WDR59: variants seen among roughly 807,000 people sequenced by gnomAD.
WDR59 encodes GATOR2 complex protein WDR59.
In WDR59, 100 loss-of-function variants were observed where a neutral mutation model predicts 131.2. The ratio of observed to expected loss-of-function variants is 0.76; its 90% CI spans 0.65 to 0.90. WDR59 has a LOEUF of 0.90. Among genes scored for constraint, WDR59 ranks in the 40% least tolerant of loss-of-function variants. The pLI is 0.00. For synonymous variants in WDR59, 601 were observed against 466.2 expected, an observed-to-expected ratio of 1.29 and a Z score of -3.72; for missense variants, 1,203 against 1,262.2, an observed-to-expected ratio of 0.95 and a Z score of 0.71.
At chr16:74,881,376 T>TA (rs35826727) in intron 25 of WDR59, among the ~76,000 whole-genome samples, 1 of 151,978 alleles carries the variant, frequency 6.6e-6, no homozygotes, top group Non-Finnish European at 1.5e-5. Flanking sequence ...TTTTTTTTTT[T>TA]AGAGACAGTT....
chr16:74,982,590 T>C (rs2034469932), intron 1 of WDR59, among the ~76,000 whole-genome samples: 3 of 152,196 alleles, frequency 2.0e-5, no homozygotes, highest in African/African-American at 7.2e-5. Context: ...AGCTTCCAAA[T>C]TAGCAGGCTT....
intron 6 of WDR59, among the ~76,000 whole-genome samples, chr16:74,945,306 C>A (rs1287709212): frequency 6.6e-6 from 1 of 150,452 alleles, no homozygotes; most frequent in East Asian, 2.0e-4. Flanking sequence ...GAAACCCTGT[C>A]TCTACTAAAA....
At chr16:74,916,280 T>C (rs895020234) in intron 11 of WDR59, 21 bp from the exon 12 acceptor site, 5 of 1,613,264 alleles carry the variant, frequency 3.1e-6, no homozygotes, top group Non-Finnish European at 4.2e-6. Context: ...GGGTAGAAGA[T>C]GTAGTTCTAG....
At chr16:74,960,753 T>TAAAAAAA (rs59914217) in intron 2 of WDR59, among the ~76,000 whole-genome samples, 1 of 118,714 alleles carries the variant, frequency 8.4e-6, no homozygotes, top group African/African-American at 3.1e-5. Flanking sequence ...GTCTCAAAAA[T>TAAAAAAA]AAAAAAAAAA....
chr16:74,886,357 T>A lies in WDR59; in HGVS notation c.2459A>T (p.Glu820Val), dbSNP rs779163357. The A allele has an allele frequency of 1.2e-6, 2 of 1,613,816 alleles. No homozygotes were observed. Among genetic ancestry groups the A allele is most frequent in the Admixed American group, 3.3e-5 (2 of 60,000 alleles). The change falls in exon 24 of 26, where the codon GAA (glutamate) becomes GTA (valine). Residue 820 changes from glutamate (E) to valine (V), a missense_variant. By Grantham distance (121) the Glu-to-Val change is moderately radical. Transcript: ENST00000262144. ...AAAGCGGAGCTCTTCTGGTGAGGATTCTCCCCAAGGGGAGGACAAGTGCTC... is the reference window on the plus strand; with the variant it reads ...AAAGCGGAGCTCTTCTGGTGAGGATACTCCCCAAGGGGAGGACAAGTGCTC... ...EAEHLSSPWGESSPEELRFGS... is the reference protein window; with the variant it reads ...EAEHLSSPWGVSSPEELRFGS...
chr16:74,941,684 T>A (rs965685988), intron 7 of WDR59, among the ~76,000 whole-genome samples: 1 of 130,846 alleles, frequency 7.6e-6, no homozygotes, highest in African/African-American at 3.3e-5. Flanking sequence ...AGAATGAGAC[T>A]CTGTCTCAAG....
intron 19 of WDR59, 86 bp from the exon 20 acceptor site, chr16:74,892,651 C>A: frequency 1.8e-6 from 2 of 1,112,528 alleles, no homozygotes; most frequent in Middle Eastern, 2.1e-4. Flanking sequence ...CAGATGAGAA[C>A]CTGACTCTTT....
At position 74,912,220 on chromosome 16, in the gene WDR59, G is replaced by A; in HGVS notation, c.1367C>T (p.Thr456Ile). The change falls in exon 14 of 26, where the codon ACC becomes ATC. Residue 456 changes from threonine (T) to isoleucine (I), a missense_variant. Transcript: ENST00000262144. ...QFINPTTITS[T>I]MKAKLLKILK... ...CACCTTCAGCAGCTTAGCTTTCATGGTGGATGTGATGGTTGTGGGGTTAAT... is the reference window on the plus strand; with the variant it reads ...CACCTTCAGCAGCTTAGCTTTCATGATGGATGTGATGGTTGTGGGGTTAAT... 1 of 1,614,174 alleles carries A rather than the reference G, an allele frequency of 6.2e-7. No individual in the cohort carries two copies. Among genetic ancestry groups the A allele is most frequent in the Non-Finnish European group, 8.5e-7 (1 of 1,180,036 alleles).
At chr16:74,942,685 C>T in intron 7 of WDR59, 53 bp downstream of exon 7, 1 of 1,565,578 alleles carries the variant, frequency 6.4e-7, no homozygotes, top group South Asian at 1.1e-5. Flanking sequence ...ATCATCTTCA[C>T]ACCCTCTGGG....
chr16:74,924,138 C>G, intron 8 of WDR59, 135 bp from the exon 9 acceptor site: 1 of 790,460 alleles, frequency 1.3e-6, no homozygotes, highest in Non-Finnish European at 2.0e-6. Flanking sequence ...AGTTCAGCTC[C>G]TATAACCACG....
At chr16:74,901,859 A>G (rs1965569561) in intron 18 of WDR59, among the ~76,000 whole-genome samples, 1 of 138,622 alleles carries the variant, frequency 7.2e-6, no homozygotes, top group Non-Finnish European at 1.7e-5. Context: ...TATCACGCTT[A>G]TGTAATTCCC....
chr16:74,919,648 C>T (rs747578936), intron 10 of WDR59, among the ~76,000 whole-genome samples: 2 of 151,968 alleles, frequency 1.3e-5, no homozygotes, highest in Non-Finnish European at 2.9e-5. Context: ...TGGCCTGGAA[C>T]TCCTTTCTTA....
intron 3 of WDR59, among the ~76,000 whole-genome samples, chr16:74,952,093 G>A (rs1307043284): frequency 6.6e-6 from 1 of 151,882 alleles, no homozygotes; most frequent in African/African-American, 2.4e-5. Context: ...CTGGGATAAG[G>A]TGTGAGGTGT....
chr16:74,965,367 A>G (rs2033728302), intron 2 of WDR59, among the ~76,000 whole-genome samples: 1 of 152,220 alleles, frequency 6.6e-6, no homozygotes, highest in South Asian at 2.1e-4. Flanking sequence ...AGTCCAGTTA[A>G]GCCAAACTGA....
chr16:74,941,732 A>G (rs1597761260), intron 7 of WDR59, among the ~76,000 whole-genome samples: 1 of 151,296 alleles, frequency 6.6e-6, no homozygotes, highest in Admixed American at 6.6e-5. Context: ...CCCAACCTCT[A>G]TGAAATCACC....
chr16:74,924,832 G>A (rs1447687243), intron 8 of WDR59, among the ~76,000 whole-genome samples: 1 of 152,120 alleles, frequency 6.6e-6, no homozygotes, highest in Non-Finnish European at 1.5e-5. Flanking sequence ...TGTTGCCCGG[G>A]CTGGTCTCGA....
At position 74,873,378 on chromosome 16, in the gene WDR59, C is replaced by T. The variant is rs1964051703; in HGVS notation, c.*831G>A. On this transcript the variant is annotated 3_prime_UTR_variant, in exon 26 of 26. Transcript: ENST00000262144. ...TTTTCTATCCATGCTGCACGGCAAT[C>T]TTGTCCTCCTTTTGCTAGAAGAAAT... 6.6e-6 allele frequency: 1 copy of T among 152,202 alleles called. No homozygotes were observed. The highest frequency in any genetic ancestry group is 6.5e-5 in the Admixed American group (1 of 15,268). The allele number at this position is 152,202 out of a possible 1,614,324, so 9.4% of individuals were successfully genotyped here.
At chr16:74,888,115 C>G in intron 22 of WDR59, 54 bp downstream of exon 22, 1 of 1,269,814 alleles carries the variant, frequency 7.9e-7, no homozygotes, top group Non-Finnish European at 1.0e-6. Context: ...AAAACTCCGT[C>G]TCAAAAAAAA....
intron 8 of WDR59, among the ~76,000 whole-genome samples, chr16:74,933,642 T>C (rs1264099505): frequency 1.3e-5 from 2 of 152,110 alleles, no homozygotes; most frequent in Non-Finnish European, 2.9e-5. Flanking sequence ...CTGGAGTGCA[T>C]GTGGCATGAT....
Sources: gnomAD v4.1 joint callset for allele counts (sites outside exome capture counted in the v4.1 genomes callset) on GRCh38, gnomAD v4.1.1 for gene constraint, MANE v1.5 for transcripts, NCBI Gene and HGNC (gene_info 2026-07-23, HGNC 2026-07-21) for gene names.